TTC7A: variants seen among roughly 807,000 people sequenced by gnomAD.
TTC7A encodes tetratricopeptide repeat domain 7A.
A neutral mutation model predicts 103.7 loss-of-function variants in TTC7A; 110 were observed. The ratio of observed to expected loss-of-function variants is 1.06; its 90% CI spans 0.91 to 1.24. TTC7A has a LOEUF of 1.24. Ranked by LOEUF, TTC7A falls within the 50% of genes most tolerant of loss-of-function variation. The pLI is 0.00. For missense variants in TTC7A, 1,340 were observed against 1,116.3 expected, an observed-to-expected ratio of 1.20 and a Z score of -2.86; for synonymous variants, 521 against 467.9, an observed-to-expected ratio of 1.11 and a Z score of -1.47.
intron 11 of TTC7A, among the ~76,000 whole-genome samples, chr2:47,014,101 G>A (rs1394872412): frequency 6.6e-6 from 1 of 152,164 alleles, no homozygotes. Flanking sequence ...CCTGGTGCTC[G>A]CTGGATGGAT....
At chr2:47,005,658 A>T (rs530712452) in intron 8 of TTC7A, among the ~76,000 whole-genome samples, 6 of 152,298 alleles carry the variant, frequency 3.9e-5, no homozygotes, top group Non-Finnish European at 7.4e-5. Flanking sequence ...GAAATTTTGT[A>T]GAATAACAAA....
At chr2:46,972,000 A>G (rs1409216296) in intron 3 of TTC7A, among the ~76,000 whole-genome samples, 3 of 151,622 alleles carry the variant, frequency 2.0e-5, no homozygotes, top group African/African-American at 7.3e-5. Context: ...GGAAGGAAGG[A>G]AGGGAGGAAG....
chr2:46,981,165 T>G lies in TTC7A; in HGVS notation c.764+2258T>G, dbSNP rs149885743. 6.7e-3 allele frequency among the ~76,000 whole-genome samples: 1,019 copies of G among 152,336 alleles called. 6 individuals are homozygous for G. The highest frequency in any genetic ancestry group is 0.011 in the Non-Finnish European group (736 of 68,030). On this transcript the variant is annotated intron_variant, in intron 5 of 19. Coordinates refer to ENST00000319190, the MANE Select transcript of TTC7A (RefSeq NM_020458.4). ...AATTTGCTGATCCCCCCCGCCACTTTAAATAATTACTTTAAACATTTTGAT... is the reference window on the plus strand; with the variant it reads ...AATTTGCTGATCCCCCCCGCCACTTGAAATAATTACTTTAAACATTTTGAT...
intron 19 of TTC7A, chr2:47,068,729 C>A (rs953990165): frequency 6.6e-6 from 1 of 151,956 alleles, no homozygotes; most frequent in South Asian, 2.1e-4. Context: ...TGGCTCAGGA[C>A]TCTGGGAAAA....
Position 46,941,699 on chromosome 2 carries a change from G to C in TTC7A, c.158G>C (p.Ser53Thr), listed in dbSNP as rs117017326. 1,386 of 1,550,884 alleles carry C rather than the reference G, an allele frequency of 8.9e-4. 27 individuals carry two copies. The East Asian group carries it at 0.022, about 24-fold the overall frequency. ...GGGGNRRGSPSAAFTFPDTDD... is the reference protein window; with the variant it reads ...GGGGNRRGSPTAAFTFPDTDD... ...GGAGGTAACAGGCGAGGCAGCCCGAGCGCAGCGTTCACCTTTCCGGACACC... is the reference window on the plus strand; with the variant it reads ...GGAGGTAACAGGCGAGGCAGCCCGACCGCAGCGTTCACCTTTCCGGACACC... Residue 53 changes from serine to threonine, a missense_variant, in exon 1 of 20, where the codon AGC (serine) becomes ACC (threonine). Physicochemically the swap from Ser to Thr is moderately conservative, Grantham distance 58. Transcript: ENST00000319190. This position sits in a 1 kb window ranked among gnomAD's most constrained non-coding sequence, Gnocchi z 4.2.
Position 46,941,764 on chromosome 2 carries a change from C to G in TTC7A, c.184+39C>G. ...GAGGCTGGCTCGCCGGCAGCGAGCG[C>G]GCGAAACGCACCGCCTCCTCCAGGA... On this transcript the variant is annotated intron_variant, in intron 1 of 19. Coordinates refer to ENST00000319190, the MANE Select transcript of TTC7A (RefSeq NM_020458.4). This position sits in a 1 kb window ranked among gnomAD's most constrained non-coding sequence, Gnocchi z 4.2. 1.9e-6 allele frequency: 3 copies of G among 1,546,504 alleles called. No homozygotes were observed. The highest frequency in any genetic ancestry group is 2.6e-6 in the Non-Finnish European group (3 of 1,145,394).
At position 46,975,070 on chromosome 2, in the gene TTC7A, G is replaced by T. The variant is rs779729842; in HGVS notation, c.615G>T (p.Trp205Cys). The change falls in exon 4 of 20, where the codon TGG becomes TGT. Residue 205 changes from tryptophan to cysteine, a missense_variant. Trp to Cys is a radical substitution (Grantham distance 215, BLOSUM62 -2). Transcript: ENST00000319190. ...TCACCTGTTTTGAGAGGGCCTCCTG[G>T]ATCGCTCAGGTGTTCCTGCAGGAAT... ...EVITCFERAS[W>C]IAQVFLQELE... 6.2e-7 allele frequency: 1 copy of T among 1,613,952 alleles called. No homozygotes were observed. Among genetic ancestry groups the T allele is most frequent in the Admixed American group, 1.7e-5 (1 of 60,016 alleles).
chr2:46,978,674 C>A, intron 4 of TTC7A, 118 bp from the exon 5 acceptor site: 1 of 686,700 alleles, frequency 1.5e-6, no homozygotes, highest in Non-Finnish European at 2.5e-6. Context: ...TCTGAGAATG[C>A]AACAATGTGC....
chr2:46,997,366 C>G (rs1264235917), intron 8 of TTC7A, among the ~76,000 whole-genome samples: 1 of 152,130 alleles, frequency 6.6e-6, no homozygotes, highest in East Asian at 1.9e-4. Flanking sequence ...ACGGGGTCGT[C>G]TGTTAGGTCC....
At chr2:47,008,009 C>T (rs1339378156) in intron 10 of TTC7A, among the ~76,000 whole-genome samples, 24 of 152,150 alleles carry the variant, frequency 1.6e-4, no homozygotes, top group Non-Finnish European at 2.9e-5. Context: ...CTGGAAAAGA[C>T]GAGCTGGCCG....
chr2:46,966,033 T>C (rs1672808158), intron 3 of TTC7A, among the ~76,000 whole-genome samples: 1 of 152,088 alleles, frequency 6.6e-6, no homozygotes, highest in African/African-American at 2.4e-5. Context: ...CACCGCAACC[T>C]CCACCTCCCG....
rs1684971788 is a variant in TTC7A, at chr2:47,073,709, T to G, written c.2363T>G (p.Met788Arg). The G allele has an allele frequency of 5.6e-6, 9 of 1,613,766 alleles. No individual in the cohort carries two copies. In the East Asian group the frequency reaches 1.8e-4, roughly 32 times the overall value. ...GVRIMHSLGL[M>R]LSRLGHKSLA... ...CCTGTGCTTCGTCCACAGGGTCTGA[T>G]GCTGAGTCGGCTGGGCCACAAGAGC... is the stretch of plus-strand genomic sequence containing the variant. The change falls in exon 20 of 20, where the codon ATG becomes AGG. Residue 788 changes from methionine (M) to arginine (R), a missense_variant. Coordinates refer to ENST00000319190, the MANE Select transcript of TTC7A (RefSeq NM_020458.4).
chr2:47,061,687 T>C (rs1683793754), intron 19 of TTC7A, among the ~76,000 whole-genome samples: 1 of 152,222 alleles, frequency 6.6e-6, no homozygotes, highest in South Asian at 2.1e-4. Flanking sequence ...ACCTTAGTTT[T>C]AATTATCTGT....
chr2:47,031,713 C>G (rs1680561967), intron 15 of TTC7A, among the ~76,000 whole-genome samples: 1 of 152,242 alleles, frequency 6.6e-6, no homozygotes, highest in Non-Finnish European at 1.5e-5. Flanking sequence ...GGGGGCCCCT[C>G]CATCCCAGCA....
chr2:47,024,850 AC>A (rs1190674472), intron 14 of TTC7A, among the ~76,000 whole-genome samples: 1 of 152,076 alleles, frequency 6.6e-6, no homozygotes, highest in Non-Finnish European at 1.5e-5. Context: ...TAGCCCCAGG[AC>A]CACCTCCACC....
intron 8 of TTC7A, among the ~76,000 whole-genome samples, chr2:47,004,281 T>C (rs530293029): frequency 6.6e-6 from 1 of 152,228 alleles, no homozygotes; most frequent in South Asian, 2.1e-4. Context: ...AGTCACTTCC[T>C]TGGGTCTTGG....
chr2:46,993,185 C>A (rs916018581), intron 5 of TTC7A, among the ~76,000 whole-genome samples: 1 of 152,190 alleles, frequency 6.6e-6, no homozygotes, highest in South Asian at 2.1e-4. Flanking sequence ...AATCTTGGTA[C>A]CCCTTTGGTG....
upstream of TTC7A, among the ~76,000 whole-genome samples, chr2:46,940,008 G>A (rs1670200622): frequency 6.6e-6 from 1 of 152,180 alleles, no homozygotes. This position sits in a 1 kb window ranked among gnomAD's most constrained non-coding sequence, Gnocchi z 4.7. Context: ...AACAAGGACT[G>A]GAGCTGCATT....
chr2:46,934,159 G>T (rs974404472), intron 2 of TTC7A, among the ~76,000 whole-genome samples: 7 of 152,226 alleles, frequency 4.6e-5, no homozygotes, highest in Non-Finnish European at 8.8e-5. Flanking sequence ...ACCTTGACAT[G>T]GCTTTACTAT....
Sources: gnomAD v4.1 joint callset for allele counts (sites outside exome capture counted in the v4.1 genomes callset) on GRCh38, gnomAD v4.1.1 for gene constraint, Gnocchi (gnomAD v3.1) non-coding constraint, MANE v1.5 for transcripts, NCBI Gene and HGNC (gene_info 2026-07-23, HGNC 2026-07-21) for gene names.